TUT4: variants seen among roughly 807,000 people sequenced by gnomAD.
TUT4 encodes the protein terminal uridylyltransferase 4.
In TUT4, 36 loss-of-function variants were observed where a neutral mutation model predicts 192.2. The observed-to-expected ratio is 0.19, with a 90% CI of 0.14 to 0.25. The LOEUF (loss-of-function observed/expected upper bound fraction) is 0.25, where lower values mean the gene tolerates loss of function less well. Ranked by LOEUF, TUT4 falls within the 10% of genes least tolerant of loss-of-function variation. The probability of loss-of-function intolerance (pLI) is 1.00; values close to 1 mark genes in which losing one functional copy is unlikely to be tolerated. For synonymous variants in TUT4, 618 were observed against 666.0 expected (o/e 0.93, Z 1.11); for missense variants, 1,493 against 1,957.2 (o/e 0.76, Z 4.47).
At chr1:52,426,489 A>G (rs1443362730) in intron 28 of TUT4, among the ~76,000 whole-genome samples, 1 of 152,204 alleles carries the variant, frequency 6.6e-6, no homozygotes. Flanking sequence ...ATAAAAGGGA[A>G]TAACTGCCCT....
At chr1:52,502,609 C>T (rs1249846968) in intron 4 of TUT4, among the ~76,000 whole-genome samples, 8 of 82,126 alleles carry the variant, frequency 9.7e-5, no homozygotes, top group Admixed American at 1.7e-4. Context: ...TCTTAGCCCT[C>T]TTTTTTTTTT....
intron 24 of TUT4, among the ~76,000 whole-genome samples, chr1:52,442,365 T>C (rs1300198860): frequency 1.3e-5 from 2 of 152,176 alleles, no homozygotes; most frequent in African/African-American, 4.8e-5. Flanking sequence ...TTATCTTTCA[T>C]TAATTTAGGG....
chr1:52,472,924 A>G (rs538985703), intron 13 of TUT4, among the ~76,000 whole-genome samples: 1 of 152,308 alleles, frequency 6.6e-6, no homozygotes, highest in Non-Finnish European at 1.5e-5. Context: ...TACAAATTAT[A>G]TAAGGAAATC....
At chr1:52,536,698 C>T (rs570150321) in intron 1 of TUT4, among the ~76,000 whole-genome samples, 9 of 151,304 alleles carry the variant, frequency 5.9e-5, no homozygotes, top group Non-Finnish European at 1.0e-4. Context: ...ACTAAAAATA[C>T]GAAAAAATAA....
chr1:52,434,177 G>A (rs1182331359), intron 27 of TUT4: 2 of 152,184 alleles, frequency 1.3e-5, no homozygotes, highest in African/African-American at 2.4e-5. Flanking sequence ...AGTGTTTGAG[G>A]TGAGGGTGGA....
intron 27 of TUT4, 147 bp downstream of exon 27, chr1:52,435,218 C>T (rs1233315343): frequency 2.0e-6 from 1 of 498,576 alleles, no homozygotes; most frequent in Non-Finnish European, 3.4e-6. Context: ...ATGCTCATTC[C>T]ACCTTATGTG....
In TUT4 at chr1:52,497,102, C is replaced by G. The variant is rs1387315039; in HGVS notation, c.1081G>C (p.Glu361Gln). The G allele has an allele frequency of 1.9e-6, 3 of 1,613,834 alleles. No homozygotes were observed. The Admixed American group carries it at 5.0e-5, about 27-fold the overall frequency. ...HLAALSVAVI[E>Q]LAKEHGITDD... is the part of the protein sequence containing the mutation. ...GTTATTCCATGTTCTTTTGCTAATT[C>G]AATGACTGCAACACTTAAAGCAGCC... Residue 361 changes from glutamate (E) to glutamine (Q), a missense_variant, in exon 5 of 30, where the codon GAA (glutamate) becomes CAA (glutamine). Physicochemically the swap from Glu to Gln is conservative, Grantham distance 29. Transcript: ENST00000257177.
At chr1:52,459,130 A>AC (rs1661775250) in intron 19 of TUT4, among the ~76,000 whole-genome samples, 1 of 152,260 alleles carries the variant, frequency 6.6e-6, no homozygotes, top group Non-Finnish European at 1.5e-5. Context: ...TACTAAAAAT[A>AC]AAAAAGTTAG....
In TUT4 at chr1:52,516,015, G is replaced by A; in HGVS notation, c.758C>T (p.Ser253Leu). Residue 253 changes from serine (S) to leucine (L), a missense_variant, in exon 3 of 30, where the codon TCA (serine) becomes TTA (leucine). This residue lies in a region of TUT4 where 437 missense variants were observed against 577.6 expected (regional missense o/e 0.76). Transcript: ENST00000257177. ...KNDESNKENSSEMDYLENATV... is the reference protein window; with the variant it reads ...KNDESNKENSLEMDYLENATV... ...GGCATTTTCTAAGTAGTCCATCTCT[G>A]AAGAATTTTCTTTATTAGATTCATC... The A allele has an allele frequency of 1.2e-6, 2 of 1,613,178 alleles. No individual in the cohort carries two copies. Among genetic ancestry groups the A allele is most frequent in the Non-Finnish European group, 1.7e-6 (2 of 1,179,628 alleles).
intron 9 of TUT4, among the ~76,000 whole-genome samples, chr1:52,486,382 C>T (rs1423646461): frequency 1.3e-5 from 2 of 151,958 alleles, no homozygotes; most frequent in East Asian, 3.9e-4. Flanking sequence ...AACTATTTCC[C>T]ATTACTAAAA....
At chr1:52,511,306 C>A (rs1254498076) in intron 3 of TUT4, among the ~76,000 whole-genome samples, 1 of 152,162 alleles carries the variant, frequency 6.6e-6, no homozygotes, top group Non-Finnish European at 1.5e-5. Context: ...TCAGTTCCTA[C>A]TGGAGAATGA....
At chr1:52,508,038 C>G (rs923343807) in intron 4 of TUT4, among the ~76,000 whole-genome samples, 2 of 152,142 alleles carry the variant, frequency 1.3e-5, no homozygotes, top group Non-Finnish European at 2.9e-5. Context: ...GTCTCAAACT[C>G]CTGGGCTCAA....
intron 27 of TUT4, chr1:52,432,742 G>A (rs922392456): frequency 6.6e-6 from 1 of 152,132 alleles, no homozygotes; most frequent in Non-Finnish European, 1.5e-5. Context: ...GCAACATGTC[G>A]AAATCCCATC....
chr1:52,527,514 T>C (rs1682124921), intron 1 of TUT4, among the ~76,000 whole-genome samples: 1 of 151,948 alleles, frequency 6.6e-6, no homozygotes, highest in Admixed American at 6.6e-5. Context: ...ATCGCACCAC[T>C]GCACTCCAGC....
At chr1:52,461,912 T>C (rs1048578208) in intron 16 of TUT4, 143 bp from the exon 17 acceptor site, 11 of 549,900 alleles carry the variant, frequency 2.0e-5, no homozygotes, top group African/African-American at 5.7e-5. Context: ...AAGTGATTCA[T>C]AGACCTACAG....
At chr1:52,477,613 T>C in intron 12 of TUT4, 95 bp downstream of exon 12, 1 of 1,182,098 alleles carries the variant, frequency 8.5e-7, no homozygotes, top group Non-Finnish European at 1.2e-6. Flanking sequence ...CATATATATA[T>C]AGTGCCACAA....
chr1:52,495,718 G>C (rs1224005409), intron 5 of TUT4, among the ~76,000 whole-genome samples: 6 of 152,122 alleles, frequency 3.9e-5, no homozygotes, highest in Non-Finnish European at 5.9e-5. Flanking sequence ...ACAGAGAAGG[G>C]AGAGAGAAAC....
intron 1 of TUT4, among the ~76,000 whole-genome samples, chr1:52,540,777 T>C (rs970066977): frequency 1.3e-5 from 2 of 152,210 alleles, no homozygotes; most frequent in South Asian, 2.1e-4. Context: ...AAATCAGTAA[T>C]TCTCAAACTT....
intron 1 of TUT4, among the ~76,000 whole-genome samples, chr1:52,534,629 G>T (rs1447054997): frequency 1.3e-5 from 2 of 150,324 alleles, no homozygotes; most frequent in Non-Finnish European, 3.0e-5. Flanking sequence ...GAGGCGGGAG[G>T]ATCATTTGAG....
Sources: allele counts gnomAD v4.1 joint callset (sites outside exome capture counted in the v4.1 genomes callset), GRCh38; gene constraint gnomAD v4.1.1; regional missense constraint gnomAD v4.1.1; transcripts MANE v1.5; gene names NCBI Gene and HGNC (gene_info 2026-07-23, HGNC 2026-07-21).